Variants in TRIOBP observed in about 807,000 individuals in gnomAD.
TRIOBP encodes TRIO and F-actin binding protein, also known as TRIO and F-actin-binding protein.
A neutral mutation model predicts 238.8 loss-of-function variants in TRIOBP; 169 were observed. The ratio of observed to expected loss-of-function variants is 0.71; its 90% confidence interval spans 0.62 to 0.80. The LOEUF is 0.80. TRIOBP is among the 30% of genes least tolerant of loss of function. TRIOBP has a pLI of 0.00. For synonymous variants in TRIOBP, 1,150 were observed against 1,274.4 expected (o/e 0.90, Z 2.08); for missense variants, 2,838 against 3,122.6 (o/e 0.91, Z 2.17).
At chr22:37,720,612 G>A (rs1372951331) in intron 6 of TRIOBP, among the ~76,000 whole-genome samples, 1 of 152,218 alleles carries the variant, frequency 6.6e-6, no homozygotes, top group Non-Finnish European at 1.5e-5. Flanking sequence ...CCATCCAGGA[G>A]AGAAATAGTG....
At chr22:37,764,915 CAGAGACAGAGCTAGG>C (rs1333857883) in intron 17 of TRIOBP, among the ~76,000 whole-genome samples, 1 of 152,144 alleles carries the variant, frequency 6.6e-6, no homozygotes, top group Non-Finnish European at 1.5e-5. Context: ...AGAGGCTGCC[CAGAGACAGAGCTAGG>C]AGAGACATTT....
intron 17 of TRIOBP, among the ~76,000 whole-genome samples, chr22:37,760,776 C>G (rs1926199382): frequency 6.6e-6 from 1 of 152,044 alleles, no homozygotes; most frequent in Non-Finnish European, 1.5e-5. Flanking sequence ...GAGAACGAGA[C>G]TAACCTGGCC....
intron 17 of TRIOBP, chr22:37,759,879 T>C: frequency 1.8e-6 from 1 of 562,732 alleles, no homozygotes; most frequent in Non-Finnish European, 2.4e-6. Context: ...CATATATAAG[T>C]TTATTATAAA....
chr22:37,761,329 C>G (rs1002288027), intron 17 of TRIOBP, among the ~76,000 whole-genome samples: 18 of 151,962 alleles, frequency 1.2e-4, no homozygotes, highest in Non-Finnish European at 2.4e-4. Flanking sequence ...TGGTGGGCGC[C>G]TATAATCCCA....
At chr22:37,739,333 G>C (rs1330470875) in intron 10 of TRIOBP, among the ~76,000 whole-genome samples, 2 of 152,208 alleles carry the variant, frequency 1.3e-5, no homozygotes, top group Non-Finnish European at 2.9e-5. Context: ...GGAGGTGGGG[G>C]AGGAGGAGAC....
chr22:37,746,340 C>G (rs761124821), intron 11 of TRIOBP: 91 of 1,168,466 alleles, frequency 7.8e-5, no homozygotes, highest in Non-Finnish European at 9.0e-5. Context: ...CGGCGGGGTT[C>G]CCGCGCCGCG....
At chr22:37,755,059 C>T (rs1461491525) in intron 13 of TRIOBP, 42 bp from the exon 14 acceptor site, 1 of 1,610,990 alleles carries the variant, frequency 6.2e-7, no homozygotes, top group Admixed American at 1.7e-5. Context: ...GGGTGGGTCA[C>T]ACCAGGGCCC....
intron 2 of TRIOBP, among the ~76,000 whole-genome samples, chr22:37,699,867 C>CATTTATTT (rs894595367): frequency 2.6e-5 from 4 of 150,966 alleles, no homozygotes; most frequent in East Asian, 3.9e-4. Flanking sequence ...TTTTCATTTT[C>CATTTATTT]ATTTATTTAT....
chr22:37,720,000 C>CCTTTTTTTTTTTTTTT (rs1923747483), intron 6 of TRIOBP, among the ~76,000 whole-genome samples: 1 of 54,348 alleles, frequency 1.8e-5, no homozygotes, highest in Non-Finnish European at 3.2e-5. Context: ...CCCCCCCGCC[C>CCTTTTTTTTTTTTTTT]TTTTTTTTTT....
At chr22:37,764,430 ACT>A (rs1047524008) in intron 17 of TRIOBP, among the ~76,000 whole-genome samples, 15 of 152,064 alleles carry the variant, frequency 9.9e-5, no homozygotes, top group African/African-American at 3.6e-4. Context: ...CCACACAAAA[ACT>A]CTGTCTAGCA....
chr22:37,751,816 C>A lies in TRIOBP; in HGVS notation c.5367C>A (p.Asp1789Glu). The A allele has an allele frequency of 6.2e-7, 1 of 1,613,912 alleles. No individual in the cohort carries two copies. Among genetic ancestry groups the A allele is most frequent in the Non-Finnish European group, 8.5e-7 (1 of 1,179,966 alleles). The change falls in exon 12 of 24, where the codon GAC becomes GAA. Residue 1789 changes from aspartate (D) to glutamate (E), a missense_variant. By Grantham distance (45) the Asp-to-Glu change is conservative (BLOSUM62 2). Transcript: ENST00000644935. ...AGAAGGGATGGATGTCGATCTTGGA[C>A]GAGCCTGGAGAGGTAAGAGGACTGA... ...NFKKGWMSIL[D>E]EPGEPPSPSL...
intron 11 of TRIOBP, chr22:37,750,826 C>T: frequency 8.9e-6 from 4 of 447,382 alleles, no homozygotes; most frequent in South Asian, 3.2e-5. Flanking sequence ...CCAGCTGCCA[C>T]TGTCACCGCC....
At position 37,735,113 on chromosome 22, in the gene TRIOBP, C is replaced by G. The variant is rs1488281500; in HGVS notation, c.4777C>G (p.Leu1593Val). 6.2e-7 allele frequency: 1 copy of G among 1,608,582 alleles called. No homozygotes were observed. Among genetic ancestry groups the G allele is most frequent in the Non-Finnish European group, 8.5e-7 (1 of 1,176,444 alleles). ...CCTCTTGGAGCTCCTGCAGGCCAGGCTGCCCCGCAAGGACCCAGCTGGACA... is the reference window on the plus strand; with the variant it reads ...CCTCTTGGAGCTCCTGCAGGCCAGGGTGCCCCGCAAGGACCCAGCTGGACA... ...EGLLELLQARLPRKDPAGHRD... is the reference protein window; with the variant it reads ...EGLLELLQARVPRKDPAGHRD... The change falls in exon 9 of 24, where the codon CTG becomes GTG. Residue 1593 changes from leucine (L) to valine (V), a missense_variant. Around this residue, in one of 5 missense-constraint regions of TRIOBP, gnomAD observed 2,096 missense variants for 2,137.4 expected, o/e 0.98. Transcript: ENST00000644935.
In TRIOBP at chr22:37,706,235, G is replaced by T. The variant is rs148946577; in HGVS notation, c.115-4192G>T. ...GTCGGCAGGATACAGTGGAGATGAG[G>T]GGGAAGTTAGTGAATTGGTGGGGCT... On this transcript the variant is annotated intron_variant, in intron 3 of 23. Transcript: ENST00000644935. 9.7e-3 allele frequency among the ~76,000 whole-genome samples: 1,471 copies of T among 152,134 alleles called. 4 individuals carry two copies. The highest frequency in any genetic ancestry group is 0.016 in the Non-Finnish European group (1,109 of 68,000).
chr22:37,758,484 G>A (rs1926065062), intron 16 of TRIOBP, among the ~76,000 whole-genome samples: 1 of 152,152 alleles, frequency 6.6e-6, no homozygotes, highest in African/African-American at 2.4e-5. Flanking sequence ...AGACCAGTCT[G>A]TGCGACATGG....
At chr22:37,758,695 GAA>G (rs1369422394) in intron 16 of TRIOBP, among the ~76,000 whole-genome samples, 1 of 150,814 alleles carries the variant, frequency 6.6e-6, no homozygotes, top group Non-Finnish European at 1.5e-5. Context: ...AAAAAAAAAA[GAA>G]GAAGAAGAAG....
intron 1 of TRIOBP, among the ~76,000 whole-genome samples, 182 bp downstream of exon 1, chr22:37,697,271 A>G (rs1347963293): frequency 1.3e-5 from 2 of 152,146 alleles, no homozygotes; most frequent in Non-Finnish European, 2.9e-5. Flanking sequence ...TCTCAAGTGC[A>G]TTTTAGAGAA....
chr22:37,703,844 C>T (rs1216283734), intron 3 of TRIOBP, among the ~76,000 whole-genome samples: 4 of 152,070 alleles, frequency 2.6e-5, no homozygotes, highest in Non-Finnish European at 2.9e-5. Flanking sequence ...CTCTCTTGTG[C>T]TCACCTGCAA....
intron 13 of TRIOBP, 57 bp downstream of exon 13, chr22:37,755,041 G>C (rs969741686): frequency 2.5e-6 from 4 of 1,610,898 alleles, no homozygotes; most frequent in Non-Finnish European, 3.4e-6. Context: ...GCCTGGCTGG[G>C]TTCACTGGGG....
Sources: gnomAD v4.1 joint callset for allele counts (sites outside exome capture counted in the v4.1 genomes callset) on GRCh38, gnomAD v4.1.1 for gene constraint, gnomAD v4.1.1 regional missense constraint, MANE v1.5 for transcripts, NCBI Gene and HGNC (gene_info 2026-07-23, HGNC 2026-07-21) for gene names.